Variants in GABRB1 observed in about 807,000 individuals in gnomAD.
The protein encoded by GABRB1 is gamma-aminobutyric acid receptor subunit beta-1.
A neutral mutation model predicts 51.6 loss-of-function variants in GABRB1; 17 were observed. The ratio of observed to expected loss-of-function variants is 0.33; its 90% confidence interval spans 0.23 to 0.49. The LOEUF (loss-of-function observed/expected upper bound fraction) is 0.49. Ranked by LOEUF, GABRB1 falls within the 20% of genes least tolerant of loss-of-function variation. The probability of loss-of-function intolerance (pLI) is 0.99; values close to 1 mark genes in which losing one functional copy is unlikely to be tolerated. For synonymous variants in GABRB1, 247 were observed against 218.9 expected (o/e 1.13, Z -1.14); for missense variants, 410 against 600.6 (o/e 0.68, Z 3.32).
Position 47,218,083 on chromosome 4 carries a change from T to C in GABRB1, c.461+56614T>C, listed in dbSNP as rs546070000. Among the ~76,000 whole-genome samples, 4 of 151,998 alleles carry C rather than the reference T, an allele frequency of 2.6e-5. No individual in the cohort carries two copies. In the East Asian group the frequency reaches 5.8e-4, roughly 22 times the overall value. On this transcript the variant is annotated intron_variant, in intron 4 of 8. Coordinates refer to ENST00000295454, the MANE Select transcript of GABRB1 (RefSeq NM_000812.4). ...GCTCTCACATATGAGTGAGAACATA[T>C]GGTATTTGTCTTTCTGTGCCTGGTT... is the stretch of plus-strand genomic sequence containing the variant.
At chr4:47,315,816 TG>T (rs2109958071) in intron 4 of GABRB1, among the ~76,000 whole-genome samples, 1 of 151,878 alleles carries the variant, frequency 6.6e-6, no homozygotes, top group Non-Finnish European at 1.5e-5. Flanking sequence ...CACTTATAAG[TG>T]GGAGCTAAAC....
intron 4 of GABRB1, among the ~76,000 whole-genome samples, chr4:47,302,724 G>T (rs770822511): frequency 5.3e-5 from 8 of 151,926 alleles, no homozygotes; most frequent in Non-Finnish European, 1.2e-4. Flanking sequence ...AATTTACGCA[G>T]TTCTTGTGTA....
At chr4:47,308,249 T>C (rs1724539664) in intron 4 of GABRB1, among the ~76,000 whole-genome samples, 1 of 152,180 alleles carries the variant, frequency 6.6e-6, no homozygotes, top group Non-Finnish European at 1.5e-5. Context: ...AACAGAATCC[T>C]AAGTATGATT....
chr4:47,343,991 G>A (rs529011295), intron 5 of GABRB1, among the ~76,000 whole-genome samples: 1 of 152,158 alleles, frequency 6.6e-6, no homozygotes, highest in Non-Finnish European at 1.5e-5. Flanking sequence ...TAGACTGTCA[G>A]CTTCTTAGGG....
At chr4:47,238,511 T>G (rs922907291) in intron 4 of GABRB1, among the ~76,000 whole-genome samples, 7 of 152,154 alleles carry the variant, frequency 4.6e-5, no homozygotes, top group African/African-American at 7.2e-5. Flanking sequence ...TCTTACAAAT[T>G]GTGTATGACA....
chr4:47,293,055 A>G (rs962763118), intron 4 of GABRB1, among the ~76,000 whole-genome samples: 12 of 152,244 alleles, frequency 7.9e-5, no homozygotes, highest in Admixed American at 6.5e-5. Context: ...TATATCAATA[A>G]CAATTTATAT....
chr4:47,038,503 A>C (rs1553911124), intron 3 of GABRB1, among the ~76,000 whole-genome samples: 1 of 152,186 alleles, frequency 6.6e-6, no homozygotes, highest in Non-Finnish European at 1.5e-5. Context: ...TGAAGTAATA[A>C]TTTTTTTAAC....
chr4:47,008,434 T>C (rs994508354), intron 1 of GABRB1, among the ~76,000 whole-genome samples: 1 of 151,808 alleles, frequency 6.6e-6, no homozygotes, highest in Non-Finnish European at 1.5e-5. Flanking sequence ...TAATATGGAC[T>C]ATCATTTCAG....
At chr4:47,320,770 C>CTTTTTTT (rs11313211) in intron 5 of GABRB1, among the ~76,000 whole-genome samples, 2 of 105,032 alleles carry the variant, frequency 1.9e-5, no homozygotes, top group African/African-American at 7.0e-5. Context: ...TTTCTTTTTT[C>CTTTTTTT]TTTTTTTTTT....
chr4:46,994,268 C>T (rs750303589), intron 1 of GABRB1: 1 of 152,330 alleles, frequency 6.6e-6, no homozygotes, highest in Non-Finnish European at 1.5e-5. Context: ...GACACGCGCA[C>T]ACCCTCCGCT....
chr4:47,360,812 A>G (rs1173448572), intron 5 of GABRB1, among the ~76,000 whole-genome samples: 5 of 152,118 alleles, frequency 3.3e-5, no homozygotes, highest in Admixed American at 3.3e-4. Context: ...TAAGACCCAT[A>G]AGTCACTTTC....
chr4:47,193,239 C>T (rs1346905468), intron 4 of GABRB1, among the ~76,000 whole-genome samples: 1 of 152,220 alleles, frequency 6.6e-6, no homozygotes, highest in African/African-American at 2.4e-5. Context: ...TCTCCTGCCT[C>T]AGCCTCCTGA....
intron 5 of GABRB1, among the ~76,000 whole-genome samples, chr4:47,384,065 C>A (rs1727689047): frequency 6.6e-6 from 1 of 151,940 alleles, no homozygotes; most frequent in Non-Finnish European, 1.5e-5. Context: ...GTTTATTTTT[C>A]CCAAACAGGC....
At chr4:47,064,846 T>C (rs1560517653) in intron 3 of GABRB1, among the ~76,000 whole-genome samples, 1 of 152,100 alleles carries the variant, frequency 6.6e-6, no homozygotes, top group Non-Finnish European at 1.5e-5. Flanking sequence ...TCAATAAATA[T>C]CCATCAAATG....
rs191069199 is a variant in GABRB1, at chr4:47,424,295, C to T, written c.1081-1379C>T. ...GGCTGGCACTTACTAGCTGTGTAAA[C>T]GAGCCAGATTGTTAACCGTTCTAAA... On this transcript the variant is annotated intron_variant, in intron 8 of 8. Coordinates refer to ENST00000295454, the MANE Select transcript of GABRB1 (RefSeq NM_000812.4). Among the ~76,000 whole-genome samples, 474 of 152,264 alleles carry T rather than the reference C, an allele frequency of 3.1e-3. 3 individuals carry two copies. In the Middle Eastern group the frequency reaches 0.045, roughly 14 times the overall value.
At chr4:47,318,462 A>C (rs574636123) in intron 4 of GABRB1, among the ~76,000 whole-genome samples, 1 of 152,042 alleles carries the variant, frequency 6.6e-6, no homozygotes, top group Non-Finnish European at 1.5e-5. Context: ...ACAACAACAA[A>C]ACCAGCCTTC....
chr4:47,308,834 G>A (rs1412113447), intron 4 of GABRB1, among the ~76,000 whole-genome samples: 1 of 152,012 alleles, frequency 6.6e-6, no homozygotes, highest in Non-Finnish European at 1.5e-5. Context: ...TATCTAGGTC[G>A]TTTCTGAATG....
At chr4:47,057,765 G>C (rs77092356) in intron 3 of GABRB1, among the ~76,000 whole-genome samples, 23 of 152,126 alleles carry the variant, frequency 1.5e-4, no homozygotes, top group African/African-American at 5.6e-4. Context: ...GTGAAAATAC[G>C]GACTGCAATC....
At chr4:47,046,009 A>G (rs1048331045) in intron 3 of GABRB1, among the ~76,000 whole-genome samples, 2 of 152,066 alleles carry the variant, frequency 1.3e-5, no homozygotes, top group Non-Finnish European at 2.9e-5. Context: ...ACTGAAACAT[A>G]GGGGCAGTTT....
Sources: gnomAD v4.1 joint callset for allele counts (sites outside exome capture counted in the v4.1 genomes callset) on GRCh38, gnomAD v4.1.1 for gene constraint, MANE v1.5 for transcripts, NCBI Gene and HGNC (gene_info 2026-07-23, HGNC 2026-07-21) for gene names.